A2M: variants seen among roughly 807,000 people sequenced by gnomAD.
A2M encodes C3 and PZP-like alpha-2-macroglobulin domain-containing protein 5.
In A2M, 128 loss-of-function variants were observed where a neutral mutation model predicts 183.9. The observed-to-expected ratio is 0.70, with a 90% CI of 0.60 to 0.81. The LOEUF (loss-of-function observed/expected upper bound fraction) is 0.81. A2M is among the 30% of genes least tolerant of loss of function. The pLI, the probability that A2M is intolerant of heterozygous loss-of-function variation, is 0.00. For synonymous variants in A2M, 592 were observed against 670.8 expected, an observed-to-expected ratio of 0.88 and a Z score of 1.81; for missense variants, 1,495 against 1,787.6, an observed-to-expected ratio of 0.84 and a Z score of 2.95.
chr12:9,110,609 A>G (rs1412053751), intron 4 of A2M, among the ~76,000 whole-genome samples: 2 of 151,676 alleles, frequency 1.3e-5, no homozygotes, highest in African/African-American at 4.8e-5. Flanking sequence ...GGATAATGAT[A>G]ATGATTATCA....
intron 20 of A2M, 75 bp from the exon 21 acceptor site, chr12:9,090,098 G>C: frequency 6.5e-7 from 1 of 1,545,298 alleles, no homozygotes. Flanking sequence ...ATTTAGAAAT[G>C]TTCAATGCTC....
intron 35 of A2M, 117 bp from the exon 36 acceptor site, chr12:9,067,956 G>T: frequency 9.1e-7 from 1 of 1,093,482 alleles, no homozygotes; most frequent in Non-Finnish European, 1.4e-6. Context: ...AGTACAGTGG[G>T]AAACCAAATC....
chr12:9,089,618 G>A (rs1350806904), intron 21 of A2M, among the ~76,000 whole-genome samples: 1 of 152,076 alleles, frequency 6.6e-6, no homozygotes, highest in East Asian at 1.9e-4. Context: ...GTGCACACCT[G>A]TAATCCCAGC....
chr12:9,079,046 A>T (rs1948828199), intron 25 of A2M, among the ~76,000 whole-genome samples, 198 bp downstream of exon 25: 1 of 152,090 alleles, frequency 6.6e-6, no homozygotes, highest in Non-Finnish European at 1.5e-5. Context: ...TCCATTTTGG[A>T]AACAAGCCTA....
chr12:9,067,742 C>T lies in A2M; in HGVS notation c.*81G>A, dbSNP rs1397210130. 2 of 1,303,348 alleles carry T rather than the reference C, an allele frequency of 1.5e-6. No individual in the cohort carries two copies. The highest frequency in any genetic ancestry group is 4.7e-5 in the East Asian group (2 of 42,770). 80.7% of individuals were successfully genotyped at this position (1,303,348 alleles called of 1,614,324 possible). On this transcript the variant is annotated 3_prime_UTR_variant, in exon 36 of 36. Transcript: ENST00000318602. ...CAGAAAAAGTGTTTATTCATCAAGT[C>T]TTTAAAGATACAAAAACACGTGTCT... is the stretch of plus-strand genomic sequence containing the variant.
chr12:9,093,261 T>C (rs1038574664), intron 18 of A2M, among the ~76,000 whole-genome samples: 2 of 152,166 alleles, frequency 1.3e-5, no homozygotes, highest in African/African-American at 2.4e-5. Flanking sequence ...CACACAAAAA[T>C]AGGTAACAAT....
intron 34 of A2M, among the ~76,000 whole-genome samples, chr12:9,068,525 C>T (rs1948463337): frequency 6.6e-6 from 1 of 152,148 alleles, no homozygotes; most frequent in Admixed American, 6.5e-5. Flanking sequence ...AAATATCCCA[C>T]AGGTGTTTTG....
intron 20 of A2M, 80 bp downstream of exon 20, chr12:9,090,276 G>A: frequency 6.3e-7 from 1 of 1,592,744 alleles, no homozygotes; most frequent in Non-Finnish European, 8.6e-7. Flanking sequence ...TTTCCTGAAG[G>A]AAGTAGCACT....
chr12:9,102,591 A>G (rs952110089), intron 11 of A2M, among the ~76,000 whole-genome samples: 2 of 152,096 alleles, frequency 1.3e-5, no homozygotes, highest in Admixed American at 1.3e-4. Context: ...TATATTTCCA[A>G]CTTTTCTTCC....
In A2M at chr12:9,104,318, T is replaced by C. The variant is rs1372954090; in HGVS notation, c.1187A>G (p.Asn396Ser). Residue 396 changes from asparagine (N) to serine (S), a missense_variant, in exon 11 of 36, where the codon AAT (asparagine) becomes AGT (serine). Asn to Ser is a conservative substitution (Grantham distance 46, BLOSUM62 1). Coordinates refer to ENST00000318602, the MANE Select transcript of A2M (RefSeq NM_000014.6). ...AAGGCCATGCTCATCCGTGGTAGCA[T>C]TGGAGTAATAGTTTGCTTCATTTCC... is the stretch of plus-strand genomic sequence containing the variant. ...IRGNEANYYS[N>S]ATTDEHGLVQ... 41 of 1,612,168 alleles carry C rather than the reference T, an allele frequency of 2.5e-5. No homozygotes were observed. Among genetic ancestry groups the C allele is most frequent in the South Asian group, 7.7e-5 (7 of 90,524 alleles).
At chr12:9,102,632 C>T (rs780363735) in intron 11 of A2M, among the ~76,000 whole-genome samples, 11 of 152,182 alleles carry the variant, frequency 7.2e-5, no homozygotes, top group Non-Finnish European at 1.5e-4. Context: ...TCCTTTCAGG[C>T]TTCCTCTACC....
chr12:9,101,303 A>G, intron 12 of A2M, 96 bp from the exon 13 acceptor site: 2 of 1,381,556 alleles, frequency 1.4e-6, no homozygotes, highest in South Asian at 2.5e-5. Flanking sequence ...CCTGCCGGCA[A>G]TAATTCACCT....
At chr12:9,092,283 A>G (rs1005543431) in intron 18 of A2M, among the ~76,000 whole-genome samples, 2 of 152,168 alleles carry the variant, frequency 1.3e-5, no homozygotes, top group Admixed American at 6.5e-5. Context: ...GCTCGTACCT[A>G]AGGGTCTGGC....
At chr12:9,098,797 G>A (rs749141584) in intron 14 of A2M, 41 bp from the exon 15 acceptor site, 1 of 1,602,098 alleles carries the variant, frequency 6.2e-7, no homozygotes, top group South Asian at 1.1e-5. Flanking sequence ...CAAATTTCCA[G>A]GTTTACCCAT....
chr12:9,099,338 T>A, intron 14 of A2M, 43 bp downstream of exon 14: 11 of 1,521,226 alleles, frequency 7.2e-6, no homozygotes, highest in Non-Finnish European at 9.8e-6. Context: ...AATAGTAACT[T>A]CTAGTTTTAC....
chr12:9,080,204 T>C (rs749230297), intron 22 of A2M, 27 bp from the exon 23 acceptor site: 12 of 1,450,268 alleles, frequency 8.3e-6, no homozygotes, highest in African/African-American at 1.4e-5. Flanking sequence ...ATCAGACATA[T>C]GAAAATTATT....
chr12:9,115,734 C>CATGCTTCACGCTCTCTGTGTG (rs1939069654), intron 1 of A2M, 30 bp downstream of exon 1: 1 of 1,559,814 alleles, frequency 6.4e-7, no homozygotes, highest in South Asian at 1.1e-5. Context: ...ACTCTAGGTT[C>CATGCTTCACGCTCTCTGTGTG]ATGCTTCACG....
At chr12:9,067,950 C>A (rs1381904369) in intron 35 of A2M, 111 bp from the exon 36 acceptor site, 2 of 1,095,204 alleles carry the variant, frequency 1.8e-6, no homozygotes, top group Non-Finnish European at 1.4e-6. Flanking sequence ...CTAATCAGTA[C>A]AGTGGGAAAC....
intron 11 of A2M, among the ~76,000 whole-genome samples, chr12:9,103,669 C>T (rs1018431206): frequency 6.6e-6 from 1 of 152,134 alleles, no homozygotes; most frequent in Non-Finnish European, 1.5e-5. Flanking sequence ...CAGTATTGGT[C>T]TTTTTGTGAC....
Sources: allele counts gnomAD v4.1 joint callset (sites outside exome capture counted in the v4.1 genomes callset), GRCh38; gene constraint gnomAD v4.1.1; transcripts MANE v1.5; gene names NCBI Gene and HGNC (gene_info 2026-07-23, HGNC 2026-07-21).